The following SLC22A15 variants were observed in gnomAD, a reference collection of about 807,000 sequenced individuals.
The protein encoded by SLC22A15 is flipt 1.
In SLC22A15, 45 loss-of-function variants were observed where a neutral mutation model predicts 62.7. The observed-to-expected ratio is 0.72, with a 90% confidence interval of 0.56 to 0.92. The LOEUF is 0.92. Ranked by LOEUF, SLC22A15 falls within the 40% of genes least tolerant of loss-of-function variation. The pLI is 0.00. For synonymous variants in SLC22A15, 264 were observed against 267.0 expected, an observed-to-expected ratio of 0.99 and a Z score of 0.11; for missense variants, 622 against 665.6, an observed-to-expected ratio of 0.93 and a Z score of 0.72.
intron 2 of SLC22A15, among the ~76,000 whole-genome samples, chr1:116,000,872 T>C (rs1291693514): frequency 6.6e-6 from 1 of 152,190 alleles, no homozygotes; most frequent in Non-Finnish European, 1.5e-5. Context: ...GACCTCATGA[T>C]CTGCCTGCCT....
intron 1 of SLC22A15, among the ~76,000 whole-genome samples, chr1:115,987,138 T>A (rs1654909951): frequency 2.0e-5 from 3 of 152,070 alleles, no homozygotes; most frequent in Admixed American, 1.3e-4. Context: ...TTCAGGGAGA[T>A]TGATCTGGTG....
chr1:115,977,219 G>A (rs182665236), intron 1 of SLC22A15, among the ~76,000 whole-genome samples: 117 of 152,270 alleles, frequency 7.7e-4, no homozygotes, highest in Non-Finnish European at 1.2e-3. Flanking sequence ...GCTTGAGGGG[G>A]CTTACTCTTC....
At chr1:116,050,401 C>A (rs977063373) in intron 8 of SLC22A15, among the ~76,000 whole-genome samples, 2 of 152,182 alleles carry the variant, frequency 1.3e-5, no homozygotes, top group Non-Finnish European at 2.9e-5. Flanking sequence ...CCACCATGAT[C>A]AAGTGGGTTT....
intron 2 of SLC22A15, among the ~76,000 whole-genome samples, chr1:116,001,960 T>G (rs78008968): frequency 0.024 from 3,642 of 152,256 alleles, 150 homozygotes; most frequent in African/African-American, 0.084. Context: ...CTGGGCTTGT[T>G]TGTACTTGTC....
chr1:115,986,921 G>A (rs1654897577), intron 1 of SLC22A15, among the ~76,000 whole-genome samples: 2 of 152,166 alleles, frequency 1.3e-5, no homozygotes, highest in Non-Finnish European at 2.9e-5. Context: ...GGTTTAATTA[G>A]AGCTGAGGTT....
chr1:115,991,932 G>A lies in SLC22A15; in HGVS notation c.88-99G>A, dbSNP rs946725164. 2.1e-5 allele frequency: 21 copies of A among 979,448 alleles called. No homozygotes were observed. In the African/African-American group the frequency reaches 3.4e-4, roughly 16 times the overall value. The allele number at this position is 979,448 out of a possible 1,614,324, so 60.7% of individuals were successfully genotyped here. A position where few individuals can be genotyped will look rare whatever the true frequency, so the allele number is the denominator to read the frequency against. ...ATCTGTAGCTCATAAAAATACAAAA[G>A]CAAGACACTGATCTTTCAAGGTTTG... On this transcript the variant is annotated intron_variant, in intron 1 of 11. Transcript: ENST00000369503.
At chr1:116,028,300 A>G (rs1045136418) in intron 5 of SLC22A15, among the ~76,000 whole-genome samples, 3 of 152,134 alleles carry the variant, frequency 2.0e-5, no homozygotes, top group Admixed American at 1.3e-4. Context: ...GAGGAAACTA[A>G]TATGATTTTA....
intron 1 of SLC22A15, among the ~76,000 whole-genome samples, chr1:115,990,324 A>G (rs1407833357): frequency 1.3e-5 from 2 of 152,246 alleles, no homozygotes; most frequent in Non-Finnish European, 2.9e-5. Context: ...CTGTGCATTC[A>G]CTAGAACGTG....
At position 116,046,020 on chromosome 1, in the gene SLC22A15, A is replaced by C. The variant is rs1443363946; in HGVS notation, c.1171+8632A>C. On this transcript the variant is annotated intron_variant, in intron 8 of 11. Transcript: ENST00000369503. ...GAGGAAAACATAACCTTTTTAAAAAACGGTGCTGAAATAACTGGATCTCCA... is the reference window on the plus strand; with the variant it reads ...GAGGAAAACATAACCTTTTTAAAAACCGGTGCTGAAATAACTGGATCTCCA... Among the ~76,000 whole-genome samples the C allele has an allele frequency of 2.0e-5, 3 of 152,308 alleles. No individual in the cohort carries two copies. The East Asian group carries it at 5.8e-4, about 29-fold the overall frequency.
At chr1:115,992,343 A>G in intron 2 of SLC22A15, 100 bp downstream of exon 2, 2 of 1,020,580 alleles carry the variant, frequency 2.0e-6, no homozygotes, top group Non-Finnish European at 2.9e-6. Context: ...CACATTTTCA[A>G]ATAACTTTCT....
intron 1 of SLC22A15, among the ~76,000 whole-genome samples, chr1:115,990,894 A>C (rs1425629189): frequency 6.6e-6 from 1 of 152,130 alleles, no homozygotes; most frequent in African/African-American, 2.4e-5. Flanking sequence ...AGTAGCTGGA[A>C]TTACAGGTGC....
At chr1:116,050,557 C>T (rs1275028870) in intron 8 of SLC22A15, among the ~76,000 whole-genome samples, 2 of 151,872 alleles carry the variant, frequency 1.3e-5, no homozygotes, top group East Asian at 1.9e-4. Context: ...ATGATTATAA[C>T]TCGGCATACG....
intron 8 of SLC22A15, among the ~76,000 whole-genome samples, chr1:116,050,713 T>A (rs1658030412): frequency 6.6e-6 from 1 of 151,992 alleles, no homozygotes; most frequent in Non-Finnish European, 1.5e-5. Context: ...GTACTGGAAG[T>A]CCTAACCAGA....
intron 1 of SLC22A15, among the ~76,000 whole-genome samples, chr1:115,981,407 A>G (rs369704356): frequency 6.6e-6 from 1 of 152,162 alleles, no homozygotes; most frequent in African/African-American, 2.4e-5. Context: ...ATTAGCCCTC[A>G]CACAGTGGCC....
chr1:116,042,222 G>A (rs1428972133), intron 8 of SLC22A15, among the ~76,000 whole-genome samples: 5 of 151,558 alleles, frequency 3.3e-5, no homozygotes, highest in East Asian at 3.9e-4. Context: ...ATGCACAGAT[G>A]ATAGAATTAA....
At chr1:116,066,962 C>T (rs1246812611) in intron 11 of SLC22A15, 57 bp from the exon 12 acceptor site, 1 of 1,381,246 alleles carries the variant, frequency 7.2e-7, no homozygotes, top group African/African-American at 1.4e-5. Context: ...ATGGTAGTTT[C>T]CATTTCAGAA....
At chr1:116,063,759 G>A (rs1240704441) in intron 9 of SLC22A15, among the ~76,000 whole-genome samples, 4 of 152,102 alleles carry the variant, frequency 2.6e-5, no homozygotes, top group Admixed American at 2.6e-4. Context: ...GAGCAAATGT[G>A]GGTATGAACT....
intron 1 of SLC22A15, among the ~76,000 whole-genome samples, chr1:115,982,345 G>A (rs1441824326): frequency 6.6e-6 from 1 of 152,088 alleles, no homozygotes; most frequent in Non-Finnish European, 1.5e-5. Context: ...CCACCCTAAA[G>A]TAAAGCATGC....
intron 2 of SLC22A15, among the ~76,000 whole-genome samples, chr1:115,995,470 C>T (rs149805615): frequency 4.6e-4 from 70 of 152,214 alleles, no homozygotes; most frequent in African/African-American, 1.6e-3. Context: ...AGGCTGGTCT[C>T]GAACTCCTGA....
Sources: gnomAD v4.1 joint callset for allele counts (sites outside exome capture counted in the v4.1 genomes callset) on GRCh38, gnomAD v4.1.1 for gene constraint, MANE v1.5 for transcripts, NCBI Gene and HGNC (gene_info 2026-07-23, HGNC 2026-07-21) for gene names.